DSCAM: variants seen among roughly 807,000 people sequenced by gnomAD.
DSCAM encodes the protein cell adhesion molecule DSCAM.
A neutral mutation model predicts 217.7 loss-of-function variants in DSCAM; 47 were observed. The observed-to-expected ratio is 0.22, with a 90% CI of 0.17 to 0.28. The LOEUF (loss-of-function observed/expected upper bound fraction) is 0.28, where lower values mean the gene tolerates loss of function less well. DSCAM is among the 10% of genes least tolerant of loss of function. DSCAM has a pLI of 1.00. For synonymous variants in DSCAM, 1,056 were observed against 1,015.3 expected (o/e 1.04, Z -0.76); for missense variants, 2,080 against 2,618.3 (o/e 0.79, Z 4.49).
chr21:40,602,986 G>A (rs2146264397), intron 3 of DSCAM, among the ~76,000 whole-genome samples: 1 of 151,996 alleles, frequency 6.6e-6, no homozygotes, highest in South Asian at 2.1e-4. Flanking sequence ...TTTCTGTGAA[G>A]CAGTGATTTC....
At chr21:40,785,701 T>C (rs549227194) in intron 1 of DSCAM, among the ~76,000 whole-genome samples, 1 of 152,292 alleles carries the variant, frequency 6.6e-6, no homozygotes, top group Non-Finnish European at 1.5e-5. Flanking sequence ...ATTCATTCAT[T>C]CAGTCATTTA....
At chr21:40,119,725 C>T (rs534630426) in intron 20 of DSCAM, among the ~76,000 whole-genome samples, 24 of 150,844 alleles carry the variant, frequency 1.6e-4, no homozygotes, top group African/African-American at 5.6e-4. Flanking sequence ...TATCTAGTAG[C>T]GTCACTATAT....
intron 19 of DSCAM, among the ~76,000 whole-genome samples, chr21:40,127,537 G>A (rs2090107966): frequency 6.6e-6 from 1 of 152,186 alleles, no homozygotes; most frequent in African/African-American, 2.4e-5. Context: ...GGCCTTCAGA[G>A]AATCCTCTCT....
chr21:40,690,829 C>A (rs2090530504), intron 3 of DSCAM, among the ~76,000 whole-genome samples: 1 of 152,134 alleles, frequency 6.6e-6, no homozygotes, highest in Non-Finnish European at 1.5e-5. Flanking sequence ...CAAAGAGATT[C>A]AAAAATCCTC....
intron 19 of DSCAM, among the ~76,000 whole-genome samples, chr21:40,131,530 A>G (rs2090154353): frequency 6.6e-6 from 1 of 152,066 alleles, no homozygotes; most frequent in African/African-American, 2.4e-5. Flanking sequence ...GGTTCAAGTG[A>G]TTCTCCTGCC....
In DSCAM at chr21:40,360,121, GTCTTTTT is replaced by G. The variant is rs1366586307; in HGVS notation, c.656-6385_656-6379del. 4.0e-4 allele frequency among the ~76,000 whole-genome samples: 33 copies of G among 82,630 alleles called. 4 individuals are homozygous for G. Among genetic ancestry groups the G allele is most frequent in the African/African-American group, 1.5e-3 (30 of 19,920 alleles). 54.2% of individuals were successfully genotyped at this position (82,630 alleles called of 152,430 possible). A position where few individuals can be genotyped will look rare whatever the true frequency, so the allele number is the denominator to read the frequency against. ...TAGTGAGCATGGTACTTCATAGGTA[GTCTTTTT>G]TTTTTTTTTTTTTTTTTTTTTGAGA... On this transcript the variant is annotated intron_variant, in intron 4 of 32. Transcript: ENST00000400454.
chr21:40,687,679 A>T (rs974537318), intron 3 of DSCAM, among the ~76,000 whole-genome samples: 2 of 152,096 alleles, frequency 1.3e-5, no homozygotes, highest in Non-Finnish European at 2.9e-5. Context: ...CCCTCTCTAA[A>T]ATGCAAAGGT....
chr21:40,017,724 G>A (rs2088188601), intron 32 of DSCAM, among the ~76,000 whole-genome samples: 1 of 152,088 alleles, frequency 6.6e-6, no homozygotes, highest in South Asian at 2.1e-4. Flanking sequence ...GCTAATTTTT[G>A]TATTTTTAGT....
intron 3 of DSCAM, among the ~76,000 whole-genome samples, chr21:40,662,730 G>C (rs2090151819): frequency 6.6e-6 from 1 of 152,102 alleles, no homozygotes; most frequent in South Asian, 2.1e-4. Context: ...TTCCTTCCCT[G>C]CTCCCTGCCA....
chr21:40,609,236 T>C (rs911530412), intron 3 of DSCAM, among the ~76,000 whole-genome samples: 1 of 152,222 alleles, frequency 6.6e-6, no homozygotes, highest in Non-Finnish European at 1.5e-5. Context: ...ACTACAGGCA[T>C]GAGCCACCGC....
intron 3 of DSCAM, among the ~76,000 whole-genome samples, chr21:40,564,335 G>A (rs758161426): frequency 3.9e-5 from 6 of 152,104 alleles, no homozygotes; most frequent in South Asian, 2.1e-4. Context: ...ACAATGGTAC[G>A]TTTGTCCCTT....
chr21:40,547,155 T>C (rs1240243950), intron 3 of DSCAM, among the ~76,000 whole-genome samples: 2 of 152,150 alleles, frequency 1.3e-5, no homozygotes, highest in African/African-American at 4.8e-5. Flanking sequence ...GAGGCAGACA[T>C]GACCCCACTG....
At chr21:40,544,647 C>G (rs569202681) in intron 3 of DSCAM, among the ~76,000 whole-genome samples, 1 of 152,142 alleles carries the variant, frequency 6.6e-6, no homozygotes, top group Non-Finnish European at 1.5e-5. Context: ...AGAAAGAGCT[C>G]GACCCTGCTG....
chr21:40,608,125 T>C (rs910059786), intron 3 of DSCAM, among the ~76,000 whole-genome samples: 10 of 152,222 alleles, frequency 6.6e-5, no homozygotes, highest in African/African-American at 1.4e-4. Context: ...AGGAGACTGA[T>C]TATAAAATAT....
chr21:40,080,076 A>G lies in DSCAM; in HGVS notation c.4420+76T>C. The stretch of plus-strand genomic sequence containing the variant: ...AACACATAAACGTAAAACATGATGG[A>G]TCTTTTATGATTCCAATCTCCTCTT... On this transcript the variant is annotated intron_variant, in intron 25 of 32. Coordinates refer to ENST00000400454, the MANE Select transcript of DSCAM (RefSeq NM_001389.5). The G allele has an allele frequency of 2.4e-6, 3 of 1,263,138 alleles. No individual in the cohort carries two copies. The South Asian group carries it at 4.2e-5, about 18-fold the overall frequency. The allele number at this position is 1,263,138 out of a possible 1,614,324, so 78.2% of individuals were successfully genotyped here. A position where few individuals can be genotyped will look rare whatever the true frequency, so the allele number is the denominator to read the frequency against.
chr21:40,102,469 C>G (rs1176832490), intron 20 of DSCAM, among the ~76,000 whole-genome samples: 1 of 151,494 alleles, frequency 6.6e-6, no homozygotes, highest in East Asian at 2.0e-4. Flanking sequence ...GCACAGTTTA[C>G]TCTTCCAGTC....
chr21:40,498,781 G>GTGTA (rs1195806087), intron 3 of DSCAM, among the ~76,000 whole-genome samples: 18 of 25,964 alleles, frequency 6.9e-4, no homozygotes, highest in Non-Finnish European at 1.0e-3. Context: ...ATATGGGTGT[G>GTGTA]TATATATATA....
At chr21:40,629,064 ATGTGTGTGTGTGGTGTGTG>A (rs1469729161) in intron 3 of DSCAM, among the ~76,000 whole-genome samples, 51 of 117,586 alleles carry the variant, frequency 4.3e-4, no homozygotes, top group African/African-American at 1.5e-3. Flanking sequence ...TGTGTGTAGT[ATGTGTGTGTGTGGTGTGTG>A]TGTGTGTGTG....
chr21:40,110,708 A>G (rs1210700309), intron 20 of DSCAM, among the ~76,000 whole-genome samples: 1 of 152,254 alleles, frequency 6.6e-6, no homozygotes, highest in African/African-American at 2.4e-5. Flanking sequence ...ACCAATGCAG[A>G]GAAGTCCTTA....
Sources: allele counts gnomAD v4.1 joint callset (sites outside exome capture counted in the v4.1 genomes callset), GRCh38; gene constraint gnomAD v4.1.1; transcripts MANE v1.5; gene names NCBI Gene and HGNC (gene_info 2026-07-23, HGNC 2026-07-21).